ANTXR1: variants seen among roughly 807,000 people sequenced by gnomAD.
ANTXR1 encodes the protein ANTXR cell adhesion molecule 1.
A neutral mutation model predicts 78.1 loss-of-function variants in ANTXR1; 19 were observed. The observed-to-expected ratio is 0.24, with a 90% CI of 0.17 to 0.36. The LOEUF (loss-of-function observed/expected upper bound fraction) is 0.36. ANTXR1 is among the 10% of genes least tolerant of loss of function. The pLI is 1.00. For missense variants in ANTXR1, 518 were observed against 718.6 expected (o/e 0.72, Z 3.19); for synonymous variants, 273 against 260.5 (o/e 1.05, Z -0.46).
At chr2:69,129,268 TTAGAAACATAAAGAACTTTTCATGAAG>T in intron 12 of ANTXR1, among the ~76,000 whole-genome samples, 1 of 152,346 alleles carries the variant, frequency 6.6e-6, no homozygotes, top group Non-Finnish European at 1.5e-5. Context: ...CAAGCAAATT[TTAGAAACATAAAGAACTTTTCATGAAG>T]ATTGTTTTCT....
At chr2:69,083,173 CT>C (rs1172478576) in intron 8 of ANTXR1, among the ~76,000 whole-genome samples, 1 of 152,224 alleles carries the variant, frequency 6.6e-6, no homozygotes, top group Non-Finnish European at 1.5e-5. Context: ...CCAGGCTTGC[CT>C]CCCAGCTACT....
chr2:69,120,461 T>C (rs984162142), intron 10 of ANTXR1, among the ~76,000 whole-genome samples: 1 of 152,114 alleles, frequency 6.6e-6, no homozygotes, highest in Non-Finnish European at 1.5e-5. Context: ...GTCAGGAGTT[T>C]GAGACCAGCC....
At chr2:69,028,770 T>TG (rs1283473742) in intron 1 of ANTXR1, among the ~76,000 whole-genome samples, 1 of 152,004 alleles carries the variant, frequency 6.6e-6, no homozygotes, top group Non-Finnish European at 1.5e-5. Flanking sequence ...TAAGAAGCTT[T>TG]GGGGGAAAAA....
intron 9 of ANTXR1, among the ~76,000 whole-genome samples, chr2:69,097,644 A>G (rs1671474942): frequency 6.6e-6 from 1 of 152,230 alleles, no homozygotes; most frequent in South Asian, 2.1e-4. Context: ...TACAAATACA[A>G]AACAGCACAA....
chr2:69,162,369 G>A (rs1673702968), intron 13 of ANTXR1, among the ~76,000 whole-genome samples: 1 of 152,138 alleles, frequency 6.6e-6, no homozygotes, highest in Non-Finnish European at 1.5e-5. Flanking sequence ...GTTTGATGTG[G>A]GTGTGTATGT....
intron 17 of ANTXR1, among the ~76,000 whole-genome samples, chr2:69,233,014 A>T (rs995830218): frequency 1.3e-5 from 2 of 152,148 alleles, no homozygotes; most frequent in African/African-American, 2.4e-5. Context: ...AATGCTTCTA[A>T]AATCTTGATG....
intron 17 of ANTXR1, among the ~76,000 whole-genome samples, chr2:69,199,623 T>C (rs960905360): frequency 6.6e-6 from 1 of 152,234 alleles, no homozygotes; most frequent in Non-Finnish European, 1.5e-5. Flanking sequence ...TCAATGTGTT[T>C]GCACATTGTT....
chr2:69,159,489 TA>T (rs974059161), intron 13 of ANTXR1, among the ~76,000 whole-genome samples: 3 of 152,058 alleles, frequency 2.0e-5, no homozygotes, highest in African/African-American at 7.2e-5. Context: ...CACTTAAAAA[TA>T]ATTAAGATAA....
chr2:69,193,084 T>C (rs968613933), intron 16 of ANTXR1, among the ~76,000 whole-genome samples: 1 of 152,072 alleles, frequency 6.6e-6, no homozygotes, highest in African/African-American at 2.4e-5. Context: ...TTTGCAAACT[T>C]GGGGGGCACT....
intron 5 of ANTXR1, among the ~76,000 whole-genome samples, chr2:69,072,156 C>G (rs1274387671): frequency 2.0e-5 from 3 of 152,170 alleles, no homozygotes; most frequent in Admixed American, 1.3e-4. Flanking sequence ...AGCTCCAAGC[C>G]TCTTCATTAC....
rs1468767903 is a variant in ANTXR1 at position 69,013,466 on chromosome 2, A to C, written c.-34A>C. The C allele has an allele frequency of 6.3e-7, 1 of 1,581,974 alleles. No homozygotes were observed. The highest frequency in any genetic ancestry group is 1.2e-5 in the South Asian group (1 of 86,160). ...CGTGGCGAGTTCGCGGAGCGTGGGA[A>C]GGAGCGGACCCTGCTCTCCCCGGGC... On this transcript the variant is annotated 5_prime_UTR_variant, in exon 1 of 18. Coordinates refer to ENST00000303714, the MANE Select transcript of ANTXR1 (RefSeq NM_032208.3). The surrounding 1 kb of genome is among the most constrained non-coding windows in gnomAD (Gnocchi z 5.0).
At chr2:69,083,200 C>G (rs974146048) in intron 8 of ANTXR1, among the ~76,000 whole-genome samples, 4 of 152,222 alleles carry the variant, frequency 2.6e-5, no homozygotes, top group African/African-American at 9.6e-5. Context: ...AAGACCCCAA[C>G]AGGAACTGCA....
intron 13 of ANTXR1, among the ~76,000 whole-genome samples, chr2:69,157,244 TC>T (rs1673552639): frequency 6.6e-6 from 1 of 152,064 alleles, no homozygotes; most frequent in South Asian, 2.1e-4. Flanking sequence ...GTGCAGTTTC[TC>T]CCTGTCTCCC....
rs1010125415 is a variant in ANTXR1, at chr2:69,248,308, T to G, written c.*2823T>G. The G allele has an allele frequency of 2.4e-5, 4 of 166,730 alleles. No homozygotes were observed. Among genetic ancestry groups the G allele is most frequent in the Admixed American group, 1.3e-4 (2 of 15,290 alleles). 10.3% of individuals were successfully genotyped at this position (166,730 alleles called of 1,614,324 possible). On this transcript the variant is annotated 3_prime_UTR_variant, in exon 18 of 18. Transcript: ENST00000303714. ...TATCCAGTGTGAATAAAAAGAACAG[T>G]TGTAGTAAATTATTATAAAGCCGAT...
chr2:69,151,117 C>T (rs1673379614), intron 12 of ANTXR1, among the ~76,000 whole-genome samples: 1 of 151,562 alleles, frequency 6.6e-6, no homozygotes, highest in Non-Finnish European at 1.5e-5. Flanking sequence ...TAACTTTCCC[C>T]AATTGTTAAC....
chr2:69,107,952 G>GA (rs1233700291), intron 10 of ANTXR1, among the ~76,000 whole-genome samples: 2 of 151,984 alleles, frequency 1.3e-5, no homozygotes, highest in Non-Finnish European at 2.9e-5. Flanking sequence ...AAGTTCAGAA[G>GA]AAAAAAAGCA....
Position 69,104,857 on chromosome 2 carries a change from G to C in ANTXR1, c.802+1917G>C, listed in dbSNP as rs187586189. ...CCAGCACTTTGGGAGGCTGAGGTGG[G>C]TGTATGGCCTGAGCTCAGGAGTTCG... is the stretch of plus-strand genomic sequence containing the variant. On this transcript the variant is annotated intron_variant, in intron 10 of 17. Transcript: ENST00000303714. 3.3e-5 allele frequency among the ~76,000 whole-genome samples: 5 copies of C among 152,342 alleles called. No individual in the cohort carries two copies. The East Asian group carries it at 9.6e-4, about 29-fold the overall frequency.
intron 10 of ANTXR1, among the ~76,000 whole-genome samples, chr2:69,106,128 G>A (rs997983341): frequency 4.6e-5 from 7 of 152,188 alleles, no homozygotes; most frequent in African/African-American, 1.7e-4. Context: ...ATCATGCTAA[G>A]ACATGGATAA....
intron 17 of ANTXR1, among the ~76,000 whole-genome samples, chr2:69,241,763 C>A (rs1479435190): frequency 6.6e-6 from 1 of 152,168 alleles, no homozygotes; most frequent in Admixed American, 6.5e-5. Context: ...CTCCAACTGG[C>A]CTTTCCACCA....
Sources: gnomAD v4.1 joint callset for allele counts (sites outside exome capture counted in the v4.1 genomes callset) on GRCh38, gnomAD v4.1.1 for gene constraint, Gnocchi (gnomAD v3.1) non-coding constraint, MANE v1.5 for transcripts, NCBI Gene and HGNC (gene_info 2026-07-23, HGNC 2026-07-21) for gene names.